The following ANKFY1 variants were observed in gnomAD, a reference collection of about 807,000 sequenced individuals.
ANKFY1 encodes the protein ankyrin repeat and FYVE domain containing 1, also known as ankyrin repeat and FYVE domain-containing protein 1.
In ANKFY1, 47 loss-of-function variants were observed where a neutral mutation model predicts 128.3. That is an observed-to-expected ratio of 0.37 (90% CI 0.29 to 0.47). The LOEUF (loss-of-function observed/expected upper bound fraction) is 0.47. Among genes scored for constraint, ANKFY1 ranks in the 20% least tolerant of loss-of-function variants. ANKFY1 has a pLI of 1.00. For synonymous variants in ANKFY1, 553 were observed against 601.6 expected (o/e 0.92, Z 1.18); for missense variants, 1,222 against 1,510.6 (o/e 0.81, Z 3.17).
chr17:4,263,900 T>C (rs1968564976), intron 1 of ANKFY1, 32 bp downstream of exon 1: 5 of 1,613,750 alleles, frequency 3.1e-6, no homozygotes, highest in Non-Finnish European at 4.2e-6. Context: ...CAGCTCCGTG[T>C]CTTCCCGCGC....
In ANKFY1 at chr17:4,185,016, G is replaced by A. The variant is rs755378396; in HGVS notation, c.1501C>T (p.His501Tyr). The A allele has an allele frequency of 7.4e-6, 12 of 1,613,510 alleles. No homozygotes were observed. Among genetic ancestry groups the A allele is most frequent in the Admixed American group, 1.7e-5 (1 of 60,012 alleles). ...GETPLHTACR[H>Y]GLANLTAELL... is the part of the protein sequence containing the mutation. ...TCTGCCGTGAGGTTGGCCAGGCCATGCCGACACGCTGTGTGCAACGGGGTT... is the reference window on the plus strand; with the variant it reads ...TCTGCCGTGAGGTTGGCCAGGCCATACCGACACGCTGTGTGCAACGGGGTT... The change falls in exon 12 of 25, where the codon CAT becomes TAT. Residue 501 changes from histidine to tyrosine, a missense_variant. Transcript: ENST00000341657.
chr17:4,258,993 TAG>T (rs1185581421), intron 1 of ANKFY1, among the ~76,000 whole-genome samples: 2 of 152,214 alleles, frequency 1.3e-5, no homozygotes, highest in Non-Finnish European at 2.9e-5. Context: ...AGAGTGATTT[TAG>T]AGGAGACTCA....
At chr17:4,172,916 G>C (rs963598210) in intron 21 of ANKFY1, among the ~76,000 whole-genome samples, 1 of 152,232 alleles carries the variant, frequency 6.6e-6, no homozygotes, top group African/African-American at 2.4e-5. Context: ...CTGGAGTGCA[G>C]TGGCGCGATC....
intron 1 of ANKFY1, among the ~76,000 whole-genome samples, chr17:4,257,912 G>C (rs769925621): frequency 6.6e-6 from 1 of 152,190 alleles, no homozygotes; most frequent in East Asian, 1.9e-4. Flanking sequence ...TTCTCATTTG[G>C]TTCAGCAAGG....
rs533483617 is a variant in ANKFY1 at position 4,176,395 on chromosome 17, G to T, written c.2775+731C>A. ...TGAGGAGCAGAGACCAGACGATGAG[G>T]CCCTGTCTCAGCTCTGGACCTTGTT... is the stretch of plus-strand genomic sequence containing the variant. On this transcript the variant is annotated intron_variant, in intron 19 of 24. Coordinates refer to ENST00000341657, the MANE Select transcript of ANKFY1 (RefSeq NM_001330063.2). 9.2e-5 allele frequency among the ~76,000 whole-genome samples: 14 copies of T among 152,268 alleles called. No individual in the cohort carries two copies. The South Asian group carries it at 2.7e-3, about 29-fold the overall frequency.
intron 1 of ANKFY1, among the ~76,000 whole-genome samples, chr17:4,248,315 C>T (rs1169032369): frequency 6.6e-6 from 1 of 152,214 alleles, no homozygotes; most frequent in Non-Finnish European, 1.5e-5. Context: ...AGCGTGAACC[C>T]TCCTGTGAAC....
intron 3 of ANKFY1, among the ~76,000 whole-genome samples, chr17:4,224,941 G>A (rs1369122445): frequency 2.3e-5 from 3 of 131,992 alleles, no homozygotes; most frequent in Non-Finnish European, 3.3e-5. Flanking sequence ...TTGAGTTGTC[G>A]TTTTTTTTTT....
intron 3 of ANKFY1, among the ~76,000 whole-genome samples, chr17:4,226,742 CAAAAAAA>C: frequency 1.5e-5 from 1 of 68,322 alleles, no homozygotes; most frequent in East Asian, 4.2e-4. Context: ...GACTCCATCT[CAAAAAAA>C]AAAAAAAAGA....
chr17:4,177,364 T>A, intron 18 of ANKFY1, 62 bp from the exon 19 acceptor site: 5 of 1,453,968 alleles, frequency 3.4e-6, no homozygotes, highest in Non-Finnish European at 4.7e-6. Context: ...CTGAGCTTCA[T>A]CTGCAAGCTG....
Position 4,172,679 on chromosome 17 carries a change from C to G in ANKFY1, c.3016G>C (p.Gly1006Arg). The change falls in exon 22 of 25, where the codon GGC becomes CGC. Residue 1006 changes from glycine (G) to arginine (R), a missense_variant and splice_region_variant. Physicochemically the swap from Gly to Arg is moderately radical, Grantham distance 125 (BLOSUM62 -2). Coordinates refer to ENST00000341657, the MANE Select transcript of ANKFY1 (RefSeq NM_001330063.2). The part of the protein sequence containing the change: ...TVDAEAFNLR[G>R]QSPLHILGQY... ...CCCAAAATGTGCAGTGGTGACTGGC[C>G]TCTGATAAAACAAGTTGGAAAAGTT... The G allele has an allele frequency of 1.2e-6, 2 of 1,613,792 alleles. No homozygotes were observed. The highest frequency in any genetic ancestry group is 1.1e-5 in the South Asian group (1 of 91,040).
intron 3 of ANKFY1, among the ~76,000 whole-genome samples, chr17:4,219,893 C>A (rs1161145408): frequency 6.6e-6 from 1 of 152,126 alleles, no homozygotes; most frequent in East Asian, 1.9e-4. Context: ...GCGATCTGAG[C>A]TCACTGCAAC....
At chr17:4,210,893 A>C (rs8080717) in intron 4 of ANKFY1, among the ~76,000 whole-genome samples, 1 of 150,702 alleles carries the variant, frequency 6.6e-6, no homozygotes, top group Non-Finnish European at 1.5e-5. Flanking sequence ...TTAGCCGGGC[A>C]TGGTGGCAGG....
chr17:4,177,126 C>A lies in ANKFY1; in HGVS notation c.2775G>T (p.Leu925Phe). ...CATGCAATACTTCTGTGTCACTTAC[C>A]AAATTGCGGACAATAATTTCTGAGC... ...QAGSEIIVRNLLLAGAKVNEL... is the reference protein window; with the variant it reads ...QAGSEIIVRNFLLAGAKVNEL... The change falls in exon 19 of 25, where the codon TTG becomes TTT. Residue 925 changes from leucine (L) to phenylalanine (F), a missense_variant and splice_region_variant. Transcript: ENST00000341657. The A allele has an allele frequency of 1.3e-6, 2 of 1,581,786 alleles. No homozygotes were observed. The highest frequency in any genetic ancestry group is 1.2e-5 in the South Asian group (1 of 85,094).
In ANKFY1 at chr17:4,173,219, GT is replaced by G. The variant is rs576848558; in HGVS notation, c.3014+134del. ...CCGGTACCAAAAGTACCAAAATAAA[GT>G]ACCCGAAGCTGGTGAGGTGCCCCAG... On this transcript the variant is annotated intron_variant, in intron 21 of 24. Transcript: ENST00000341657. 6.3e-3 allele frequency: 4,501 copies of G among 716,070 alleles called. 30 individuals are homozygous for G. Among genetic ancestry groups the G allele is most frequent in the South Asian group, 0.011 (702 of 61,920 alleles). The allele number at this position is 716,070 out of a possible 1,614,324, so 44.4% of individuals were successfully genotyped here.
chr17:4,215,219 C>T (rs1291142180), intron 4 of ANKFY1, among the ~76,000 whole-genome samples: 3 of 145,854 alleles, frequency 2.1e-5, no homozygotes, highest in Non-Finnish European at 4.5e-5. Context: ...AATCGGGAGG[C>T]GGAGGTTGCA....
intron 7 of ANKFY1, among the ~76,000 whole-genome samples, chr17:4,201,977 G>C (rs981589456): frequency 1.3e-5 from 2 of 152,206 alleles, no homozygotes. Flanking sequence ...TACATTCTGG[G>C]AGTAGAAAGA....
chr17:4,220,732 A>G (rs1419537593), intron 3 of ANKFY1, among the ~76,000 whole-genome samples: 1 of 152,224 alleles, frequency 6.6e-6, no homozygotes. Flanking sequence ...AGCCAGTGGT[A>G]TAAGGGTAGG....
At chr17:4,257,410 A>G (rs1293521009) in intron 1 of ANKFY1, among the ~76,000 whole-genome samples, 1 of 152,162 alleles carries the variant, frequency 6.6e-6, no homozygotes, top group Non-Finnish European at 1.5e-5. Flanking sequence ...TCTCAGAATA[A>G]AATCCAAATG....
chr17:4,178,577 A>T lies in ANKFY1; in HGVS notation c.2598+280T>A. ...GTTAACCAACCTAGCAAAAGCAAAG[A>T]ATGAGCTCAACTGTACATGCCACAG... On this transcript the variant is annotated intron_variant, in intron 18 of 24. Coordinates refer to ENST00000341657, the MANE Select transcript of ANKFY1 (RefSeq NM_001330063.2). This position sits in a 1 kb window ranked among gnomAD's most constrained non-coding sequence, Gnocchi z 4.1. The T allele has an allele frequency of 2.1e-6, 1 of 474,958 alleles. No individual in the cohort carries two copies. The highest frequency in any genetic ancestry group is 3.9e-6 in the Non-Finnish European group (1 of 258,896). The allele number at this position is 474,958 out of a possible 1,614,324, so 29.4% of individuals were successfully genotyped here.
Sources: gnomAD v4.1 joint callset for allele counts (sites outside exome capture counted in the v4.1 genomes callset) on GRCh38, gnomAD v4.1.1 for gene constraint, Gnocchi (gnomAD v3.1) non-coding constraint, MANE v1.5 for transcripts, NCBI Gene and HGNC (gene_info 2026-07-23, HGNC 2026-07-21) for gene names.